MSRA: variants seen among roughly 807,000 people sequenced by gnomAD.
The protein encoded by MSRA is mitochondrial peptide methionine sulfoxide reductase.
Under a neutral mutation model 31.3 loss-of-function variants are expected in MSRA, and 54 were observed. The observed-to-expected ratio is 1.73, with a 90% CI of 1.39 to 2.17. MSRA has a LOEUF of 2.17. Among genes scored for constraint, MSRA ranks in the 30% most tolerant of loss-of-function variants. MSRA has a pLI of 0.00. For synonymous variants in MSRA, 169 were observed against 116.5 expected (o/e 1.45, Z -2.90); for missense variants, 507 against 300.9 (o/e 1.69, Z -5.07).
At chr8:10,281,397 C>G (rs1799615006) in intron 3 of MSRA, among the ~76,000 whole-genome samples, 1 of 152,144 alleles carries the variant, frequency 6.6e-6, no homozygotes, top group Non-Finnish European at 1.5e-5. Flanking sequence ...ATGGAGAAGG[C>G]TGACATGAAC....
At chr8:10,123,213 G>A (rs1313328077) in intron 1 of MSRA, among the ~76,000 whole-genome samples, 8 of 152,134 alleles carry the variant, frequency 5.3e-5, no homozygotes, top group Non-Finnish European at 1.2e-4. Context: ...TTTAGTAATA[G>A]CCATTCTGAC....
At position 10,126,993 on chromosome 8, in the gene MSRA, A is replaced by G. The variant is rs7840382; in HGVS notation, c.142+72335A>G. Reference sequence around the variant, plus strand: ...TGTGCGGCCTGGTTCCCAACAGGCCACAGCCTGGTCCACTAGCTAGGGGTT... The same window carrying G: ...TGTGCGGCCTGGTTCCCAACAGGCCGCAGCCTGGTCCACTAGCTAGGGGTT... On this transcript the variant is annotated intron_variant, in intron 1 of 5. Coordinates refer to ENST00000317173, the MANE Select transcript of MSRA (RefSeq NM_012331.5). Among the ~76,000 whole-genome samples the G allele has an allele frequency of 9.3e-4, 141 of 152,354 alleles. 1 individual carries two copies. Among genetic ancestry groups the G allele is most frequent in the African/African-American group, 3.2e-3 (133 of 41,592 alleles).
intron 1 of MSRA, among the ~76,000 whole-genome samples, chr8:10,155,977 T>C (rs1017967765): frequency 6.6e-6 from 1 of 152,104 alleles, no homozygotes; most frequent in Admixed American, 6.5e-5. Context: ...GCTTTTGCAA[T>C]GTAGAGATTG....
At chr8:10,118,138 C>A (rs1800819344) in intron 1 of MSRA, among the ~76,000 whole-genome samples, 1 of 152,192 alleles carries the variant, frequency 6.6e-6, no homozygotes. Context: ...CTGGAGCATT[C>A]ACCGTGGCTT....
Position 10,365,905 on chromosome 8 carries a change from C to G in MSRA, c.543+45916C>G, listed in dbSNP as rs150184953. On this transcript the variant is annotated intron_variant, in intron 5 of 5. Transcript: ENST00000317173. ...AGGCATCTCGTTCTGCTCTCCATCC[C>G]TTCCTACCTCTGCATACTTGCCTTG... 1.4e-3 allele frequency among the ~76,000 whole-genome samples: 206 copies of G among 152,332 alleles called. 2 individuals are homozygous for G. Among genetic ancestry groups the G allele is most frequent in the African/African-American group, 4.8e-3 (199 of 41,578 alleles).
intron 5 of MSRA, among the ~76,000 whole-genome samples, chr8:10,379,390 G>A (rs750932414): frequency 1.3e-5 from 2 of 152,178 alleles, no homozygotes; most frequent in Admixed American, 6.5e-5. Context: ...GCCCTCCCCA[G>A]TGTTCTGAAC....
At chr8:10,275,068 A>G (rs536216084) in intron 3 of MSRA, among the ~76,000 whole-genome samples, 3 of 148,598 alleles carry the variant, frequency 2.0e-5, no homozygotes, top group Non-Finnish European at 4.4e-5. Context: ...CATTATTTTC[A>G]TCAGTTTAGA....
chr8:10,087,180 T>C (rs1187108710), intron 1 of MSRA, among the ~76,000 whole-genome samples: 5 of 152,164 alleles, frequency 3.3e-5, no homozygotes, highest in Non-Finnish European at 7.4e-5. Context: ...TGCCTCTATA[T>C]TTCCCAGAGC....
At chr8:10,083,815 C>G (rs1373202429) in intron 1 of MSRA, among the ~76,000 whole-genome samples, 8 of 152,022 alleles carry the variant, frequency 5.3e-5, no homozygotes, top group African/African-American at 1.5e-4. Flanking sequence ...CACGATGTTT[C>G]AGACCTGTCA....
intron 5 of MSRA, among the ~76,000 whole-genome samples, chr8:10,387,964 T>A (rs1242741913): frequency 6.6e-6 from 1 of 152,212 alleles, no homozygotes; most frequent in East Asian, 1.9e-4. Flanking sequence ...TTTTAGGGTA[T>A]TGTTCTCTGA....
intron 1 of MSRA, among the ~76,000 whole-genome samples, chr8:10,113,740 C>A: frequency 6.6e-6 from 1 of 151,092 alleles, no homozygotes; most frequent in African/African-American, 2.4e-5. Context: ...TGCATTGAAG[C>A]CTTAAGCAGC....
At chr8:10,089,648 C>G (rs1013639006) in intron 1 of MSRA, among the ~76,000 whole-genome samples, 1 of 152,134 alleles carries the variant, frequency 6.6e-6, no homozygotes, top group African/African-American at 2.4e-5. Context: ...GGTCTTTTTC[C>G]TTCACAGTTC....
chr8:10,190,270 C>A (rs1399132330), intron 1 of MSRA, among the ~76,000 whole-genome samples: 3 of 152,130 alleles, frequency 2.0e-5, no homozygotes, highest in Admixed American at 6.5e-5. Context: ...GACCTCAAAC[C>A]CTCAGCCTGG....
intron 1 of MSRA, among the ~76,000 whole-genome samples, chr8:10,099,433 G>T (rs1241629824): frequency 6.6e-6 from 1 of 152,122 alleles, no homozygotes; most frequent in East Asian, 1.9e-4. Flanking sequence ...TAGAGGAGAG[G>T]ATAGGAATAA....
At chr8:10,386,179 T>C (rs866038687) in intron 5 of MSRA, among the ~76,000 whole-genome samples, 3 of 152,318 alleles carry the variant, frequency 2.0e-5, no homozygotes, top group South Asian at 4.1e-4. Flanking sequence ...CTCTGAGATA[T>C]GTATTCCAGT....
At chr8:10,119,530 T>G (rs534423201) in intron 1 of MSRA, among the ~76,000 whole-genome samples, 3 of 152,202 alleles carry the variant, frequency 2.0e-5, no homozygotes, top group Non-Finnish European at 2.9e-5. Context: ...TTTCTGTGTG[T>G]ATTTGGTTCG....
chr8:10,397,615 C>T (rs1223192805), intron 5 of MSRA, among the ~76,000 whole-genome samples: 2 of 152,184 alleles, frequency 1.3e-5, no homozygotes, highest in African/African-American at 4.8e-5. Context: ...TAAGAGAGGG[C>T]CTGGCACCTA....
chr8:10,276,693 G>T (rs1440722640), intron 3 of MSRA, among the ~76,000 whole-genome samples: 2 of 152,204 alleles, frequency 1.3e-5, no homozygotes, highest in Admixed American at 1.3e-4. Context: ...GTTTCTAAGA[G>T]AAGTCTTTAA....
At chr8:10,415,187 G>C (rs1024638835) in intron 5 of MSRA, among the ~76,000 whole-genome samples, 1 of 152,184 alleles carries the variant, frequency 6.6e-6, no homozygotes, top group African/African-American at 2.4e-5. Flanking sequence ...TAGACCTGCA[G>C]CCAGCCCTGT....
Sources: allele counts gnomAD v4.1 joint callset (sites outside exome capture counted in the v4.1 genomes callset), GRCh38; gene constraint gnomAD v4.1.1; transcripts MANE v1.5; gene names NCBI Gene and HGNC (gene_info 2026-07-23, HGNC 2026-07-21).